Variants in ZBTB20 observed in about 807,000 individuals in gnomAD.
ZBTB20 encodes the protein zinc finger and BTB domain-containing protein 20.
Under a neutral mutation model 56.9 loss-of-function variants are expected in ZBTB20, and 9 were observed. The ratio of observed to expected loss-of-function variants is 0.16; its 90% CI spans 0.10 to 0.28. The LOEUF (loss-of-function observed/expected upper bound fraction) is 0.28. Ranked by LOEUF, ZBTB20 falls within the 10% of genes least tolerant of loss-of-function variation. The pLI is 1.00. For synonymous variants in ZBTB20, 417 were observed against 420.7 expected (o/e 0.99, Z 0.11); for missense variants, 655 against 1,003.0 (o/e 0.65, Z 4.69).
chr3:114,439,103 C>T (rs1326147875), intron 7 of ZBTB20, among the ~76,000 whole-genome samples: 1 of 152,116 alleles, frequency 6.6e-6, no homozygotes, highest in African/African-American at 2.4e-5. Flanking sequence ...GTCACTAATC[C>T]GTGTTTCTGT....
chr3:115,070,285 A>C (rs1181231584), intron 2 of ZBTB20, among the ~76,000 whole-genome samples: 3 of 150,410 alleles, frequency 2.0e-5, no homozygotes, highest in African/African-American at 7.3e-5. Context: ...GTCTTTCCAA[A>C]GCACCAACTT....
rs71146320 is a variant in ZBTB20, at chr3:114,434,558, T to TTGTGTGTGTGTGTGTGTGTGTG, written c.-254-45454_-254-45453insCACACACACACACACACACACA. Among the ~76,000 whole-genome samples, 212 of 146,038 alleles carry TTGTGTGTGTGTGTGTGTGTGTG rather than the reference T, an allele frequency of 1.5e-3. 2 individuals carry two copies. The highest frequency in any genetic ancestry group is 4.5e-3 in the African/African-American group (175 of 39,266). On this transcript the variant is annotated intron_variant, in intron 7 of 11. Coordinates refer to ENST00000675478, the MANE Select transcript of ZBTB20 (RefSeq NM_001348800.3). ...GCAATTGGGGTGTGTGTGTGTGTGT[T>TTGTGTGTGTGTGTGTGTGTGTG]TGTGTGTGTGTGTGTGTGTATCTTT...
At chr3:115,114,840 T>C (rs150239562) in intron 1 of ZBTB20, among the ~76,000 whole-genome samples, 1,801 of 152,216 alleles carry the variant, frequency 0.012, 34 homozygotes, top group African/African-American at 0.041. Context: ...TTCAAAAATA[T>C]ACATTAGAGC....
chr3:114,659,066 C>G (rs759074356), intron 6 of ZBTB20, among the ~76,000 whole-genome samples: 4 of 152,152 alleles, frequency 2.6e-5, no homozygotes, highest in Non-Finnish European at 4.4e-5. Context: ...TGCATATATT[C>G]CAATATTTTG....
rs1225205116 is a variant in ZBTB20, at chr3:114,335,364, A to C, written c.*3641T>G. On this transcript the variant is annotated 3_prime_UTR_variant, in exon 12 of 12. Coordinates refer to ENST00000675478, the MANE Select transcript of ZBTB20 (RefSeq NM_001348800.3). Reference sequence around the variant, plus strand: ...GTAAGATGACTGTAGGACTTGAAACAAAAAAAAATTAAAAAGATCCACACT... The same window carrying C: ...GTAAGATGACTGTAGGACTTGAAACCAAAAAAAATTAAAAAGATCCACACT... 1 of 151,638 alleles carries C rather than the reference A, an allele frequency of 6.6e-6. No individual in the cohort carries two copies. Among genetic ancestry groups the C allele is most frequent in the Non-Finnish European group, 1.5e-5 (1 of 67,836 alleles). The allele number at this position is 151,638 out of a possible 1,614,324, so 9.4% of individuals were successfully genotyped here. A position where few individuals can be genotyped will look rare whatever the true frequency, so the allele number is the denominator to read the frequency against.
chr3:114,814,629 T>C (rs2072790119), intron 4 of ZBTB20, among the ~76,000 whole-genome samples: 1 of 152,216 alleles, frequency 6.6e-6, no homozygotes, highest in African/African-American at 2.4e-5. Flanking sequence ...ACTTAAAGCT[T>C]AACTAACCAC....
At chr3:114,765,752 C>A (rs187354893) in intron 5 of ZBTB20, among the ~76,000 whole-genome samples, 3 of 152,038 alleles carry the variant, frequency 2.0e-5, no homozygotes, top group Non-Finnish European at 4.4e-5. Flanking sequence ...TTGCAGAAAA[C>A]GAATCAATAT....
chr3:114,614,722 C>T (rs1008111751), intron 6 of ZBTB20, among the ~76,000 whole-genome samples: 6 of 147,608 alleles, frequency 4.1e-5, no homozygotes, highest in Admixed American at 3.5e-4. Flanking sequence ...TGTCCAATCT[C>T]ATAGTGGCCA....
intron 4 of ZBTB20, among the ~76,000 whole-genome samples, chr3:114,890,197 T>A (rs1576239753): frequency 2.6e-5 from 4 of 152,300 alleles, no homozygotes; most frequent in Middle Eastern, 6.8e-3. Context: ...AAATAGAAAT[T>A]CCTCCAAGCC....
intron 6 of ZBTB20, among the ~76,000 whole-genome samples, chr3:114,655,907 A>G (rs2060384806): frequency 6.6e-6 from 1 of 152,210 alleles, no homozygotes; most frequent in African/African-American, 2.4e-5. Flanking sequence ...GTAAATAGAT[A>G]CTTTAAAATT....
intron 4 of ZBTB20, among the ~76,000 whole-genome samples, chr3:114,886,267 G>T (rs770192985): frequency 2.6e-5 from 4 of 152,158 alleles, no homozygotes; most frequent in Non-Finnish European, 5.9e-5. Context: ...TGAGCCTTGG[G>T]CTTGCTCTTT....
At chr3:114,840,433 G>A (rs781110126) in intron 4 of ZBTB20, among the ~76,000 whole-genome samples, 6 of 152,180 alleles carry the variant, frequency 3.9e-5, no homozygotes, top group Non-Finnish European at 7.4e-5. Context: ...ATTACAACCT[G>A]ACTATTCATG....
chr3:114,570,925 A>G (rs75520379), intron 6 of ZBTB20, among the ~76,000 whole-genome samples: 5,563 of 152,184 alleles, frequency 0.037, 155 homozygotes, highest in Non-Finnish European at 0.054. Context: ...TGTTATTACA[A>G]CTATATTTGT....
chr3:114,428,239 C>G (rs1315528027), intron 7 of ZBTB20, among the ~76,000 whole-genome samples: 1 of 152,130 alleles, frequency 6.6e-6, no homozygotes, highest in East Asian at 1.9e-4. Flanking sequence ...GACTTAAAAA[C>G]CACGTTCACA....
At chr3:114,937,087 T>C (rs1006848178) in intron 3 of ZBTB20, among the ~76,000 whole-genome samples, 3 of 152,220 alleles carry the variant, frequency 2.0e-5, no homozygotes, top group African/African-American at 7.2e-5. Flanking sequence ...TATGTGTGCA[T>C]GTGTCTTTAT....
At chr3:114,433,036 C>T (rs2090233751) in intron 7 of ZBTB20, among the ~76,000 whole-genome samples, 1 of 152,152 alleles carries the variant, frequency 6.6e-6, no homozygotes, top group African/African-American at 2.4e-5. Flanking sequence ...CTTCTTCAAT[C>T]TGACATTATG....
At chr3:115,065,411 C>G (rs78397579) in intron 2 of ZBTB20, among the ~76,000 whole-genome samples, 2,420 of 152,292 alleles carry the variant, frequency 0.016, 138 homozygotes, top group East Asian at 0.16. Context: ...ACTCTCCAGT[C>G]ACATGTATTC....
At chr3:114,822,492 T>C (rs951907969) in intron 4 of ZBTB20, among the ~76,000 whole-genome samples, 3 of 152,062 alleles carry the variant, frequency 2.0e-5, no homozygotes, top group African/African-American at 7.2e-5. Context: ...AATAGGATGA[T>C]ACAATGATAA....
At chr3:114,655,696 CAG>C (rs1255985130) in intron 6 of ZBTB20, among the ~76,000 whole-genome samples, 1 of 152,108 alleles carries the variant, frequency 6.6e-6, no homozygotes, top group South Asian at 2.1e-4. Context: ...ACTGTTTACA[CAG>C]AGTTAATATT....
Sources: allele counts gnomAD v4.1 joint callset (sites outside exome capture counted in the v4.1 genomes callset), GRCh38; gene constraint gnomAD v4.1.1; transcripts MANE v1.5; gene names NCBI Gene and HGNC (gene_info 2026-07-23, HGNC 2026-07-21).